The following AJAP1 variants were observed in gnomAD, a reference collection of about 807,000 sequenced individuals.
AJAP1 encodes adherens junction-associated protein 1.
A neutral mutation model predicts 35.0 loss-of-function variants in AJAP1; 5 were observed. The observed-to-expected ratio is 0.14, with a 90% CI of 0.07 to 0.30. The LOEUF is 0.30. AJAP1 is among the 10% of genes least tolerant of loss of function. AJAP1 has a pLI of 1.00. For synonymous variants in AJAP1, 284 were observed against 249.3 expected (o/e 1.14, Z -1.31); for missense variants, 586 against 571.0 (o/e 1.03, Z -0.27).
chr1:4,659,946 T>C (rs1638965382), intron 1 of AJAP1, among the ~76,000 whole-genome samples: 2 of 152,204 alleles, frequency 1.3e-5, no homozygotes, highest in South Asian at 4.1e-4. Flanking sequence ...TAGAAATTTC[T>C]GCATAAACCG....
chr1:4,697,922 A>AG (rs1227753119), intron 1 of AJAP1, among the ~76,000 whole-genome samples: 4 of 152,214 alleles, frequency 2.6e-5, no homozygotes, highest in African/African-American at 9.6e-5. Context: ...GGGACCGCTA[A>AG]GTCCGCGTTC....
intron 2 of AJAP1, among the ~76,000 whole-genome samples, chr1:4,748,484 A>G (rs1481381734): frequency 6.6e-6 from 1 of 151,938 alleles, no homozygotes; most frequent in Non-Finnish European, 1.5e-5. Flanking sequence ...GCGGTGTCTC[A>G]CGCCTGTAAT....
intron 1 of AJAP1, among the ~76,000 whole-genome samples, chr1:4,681,231 T>G (rs1639474275): frequency 6.6e-6 from 1 of 152,226 alleles, no homozygotes; most frequent in Non-Finnish European, 1.5e-5. Flanking sequence ...CCGCAGTGTT[T>G]GGTAAAGCCC....
intron 2 of AJAP1, among the ~76,000 whole-genome samples, chr1:4,741,211 C>A (rs893490734): frequency 2.0e-5 from 3 of 152,234 alleles, no homozygotes; most frequent in East Asian, 1.9e-4. Context: ...TGGAGGTCAT[C>A]CGAGTGTCCT....
rs544174805 is a variant in AJAP1 at position 4,711,928 on chromosome 1, C to G, written c.58C>G (p.Pro20Ala). Reference protein sequence around the residue: ...SSMSIRWPGRPLGSHAWILIA... With the variant: ...SSMSIRWPGRALGSHAWILIA... ...CATGTCCATCCGCTGGCCGGGCCGCCCCCTCGGAAGCCATGCCTGGATACT... is the reference window on the plus strand; with the variant it reads ...CATGTCCATCCGCTGGCCGGGCCGCGCCCTCGGAAGCCATGCCTGGATACT... The change falls in exon 2 of 6, where the codon CCC becomes GCC. Residue 20 changes from proline to alanine, a missense_variant. Pro to Ala is a conservative substitution (Grantham distance 27, BLOSUM62 -1). Coordinates refer to ENST00000378191, the MANE Select transcript of AJAP1 (RefSeq NM_018836.4). 223 of 1,528,464 alleles carry G rather than the reference C, an allele frequency of 1.5e-4. 1 individual carries two copies. In the South Asian group the frequency reaches 2.7e-3, roughly 18 times the overall value. The allele number at this position is 1,528,464 out of a possible 1,614,324, so 94.7% of individuals were successfully genotyped here.
At chr1:4,758,578 G>A (rs1641491537) in intron 2 of AJAP1, among the ~76,000 whole-genome samples, 2 of 152,104 alleles carry the variant, frequency 1.3e-5, no homozygotes, top group Non-Finnish European at 2.9e-5. Context: ...GAACAGCAAG[G>A]GGGAAACCAC....
rs536482585 is a variant in AJAP1, at chr1:4,761,088, C to T, written c.830-8765C>T. ...ACCCTAACTGAACCCCCAGGGTGCC[C>T]GAACCTTTGGAAAGCCTTTTAACTC... On this transcript the variant is annotated intron_variant, in intron 2 of 5. Coordinates refer to ENST00000378191, the MANE Select transcript of AJAP1 (RefSeq NM_018836.4). Among the ~76,000 whole-genome samples, 39 of 152,284 alleles carry T rather than the reference C, an allele frequency of 2.6e-4. No homozygotes were observed. In the East Asian group the frequency reaches 3.5e-3, roughly 14 times the overall value.
At chr1:4,781,024 A>G (rs1642051244) in intron 5 of AJAP1, among the ~76,000 whole-genome samples, 1 of 152,174 alleles carries the variant, frequency 6.6e-6, no homozygotes, top group African/African-American at 2.4e-5. Flanking sequence ...GTCCAGGGAA[A>G]GATCCAGCCC....
rs1423926981 is a variant in AJAP1 at position 4,787,686 on chromosome 1, C to T, written c.*5201C>T. ...GGCACTGGCTCTGCCCAGCCCCTCC[C>T]ATGTTGGTCCCATCTGTCAGGTTGC... is the stretch of plus-strand genomic sequence containing the variant. On this transcript the variant is annotated 3_prime_UTR_variant, in exon 6 of 6. Coordinates refer to ENST00000378191, the MANE Select transcript of AJAP1 (RefSeq NM_018836.4). 1 of 456,040 alleles carries T rather than the reference C, an allele frequency of 2.2e-6. No individual in the cohort carries two copies. The highest frequency in any genetic ancestry group is 7.0e-5 in the East Asian group (1 of 14,360). The allele number at this position is 456,040 out of a possible 1,614,324, so 28.2% of individuals were successfully genotyped here. A position where few individuals can be genotyped will look rare whatever the true frequency, so the allele number is the denominator to read the frequency against.
At position 4,734,411 on chromosome 1, in the gene AJAP1, C is replaced by A. The variant is rs1472315885; in HGVS notation, c.829+21712C>A. 6.6e-6 allele frequency among the ~76,000 whole-genome samples: 1 copy of A among 152,158 alleles called. No homozygotes were observed. The highest frequency in any genetic ancestry group is 1.5e-5 in the Non-Finnish European group (1 of 68,014). On this transcript the variant is annotated intron_variant, in intron 2 of 5. Transcript: ENST00000378191. This position sits in a 1 kb window ranked among gnomAD's most constrained non-coding sequence, Gnocchi z 4.3. ...GATCTTAAATCAGCAGAGGCAGAGG[C>A]CCCGAGAGGTTAAGTGACTTGCCTG... is the stretch of plus-strand genomic sequence containing the variant.
chr1:4,656,353 C>G lies in AJAP1; in HGVS notation c.29+899C>G, dbSNP rs141243911. On this transcript the variant is annotated intron_variant, in intron 1 of 5. Coordinates refer to ENST00000378191, the MANE Select transcript of AJAP1 (RefSeq NM_018836.4). The surrounding 1 kb of genome is among the most constrained non-coding windows in gnomAD (Gnocchi z 5.7). ...GGCAGGCTGCCTCTGAGCCCTCGCC[C>G]TCCTGCCGGGGCATTCACCGAGCTC... 2.6e-5 allele frequency among the ~76,000 whole-genome samples: 4 copies of G among 152,348 alleles called. No homozygotes were observed. Among genetic ancestry groups the G allele is most frequent in the Non-Finnish European group, 5.9e-5 (4 of 68,042 alleles).
chr1:4,778,454 G>C (rs1318712430), intron 5 of AJAP1, among the ~76,000 whole-genome samples: 5 of 152,184 alleles, frequency 3.3e-5, no homozygotes, highest in Non-Finnish European at 5.9e-5. Flanking sequence ...GACAACATGA[G>C]AGCCTCCTCC....
intron 1 of AJAP1, among the ~76,000 whole-genome samples, chr1:4,690,934 C>G (rs551698845): frequency 1.3e-5 from 2 of 152,178 alleles, no homozygotes; most frequent in Non-Finnish European, 1.5e-5. Context: ...GACTCCTATC[C>G]CCTGTGCTGG....
At chr1:4,674,328 CCTGA>C (rs1234915522) in intron 1 of AJAP1, among the ~76,000 whole-genome samples, 2 of 152,166 alleles carry the variant, frequency 1.3e-5, no homozygotes, top group Non-Finnish European at 2.9e-5. Flanking sequence ...CCCACGGCTG[CCTGA>C]CTTTGTAAAC....
At chr1:4,757,490 C>T (rs1383417936) in intron 2 of AJAP1, among the ~76,000 whole-genome samples, 1 of 152,216 alleles carries the variant, frequency 6.6e-6, no homozygotes, top group African/African-American at 2.4e-5. Context: ...GCTCCCAACA[C>T]TGGCCCAGCC....
intron 4 of AJAP1, among the ~76,000 whole-genome samples, chr1:4,772,929 T>TAA (rs956841212): frequency 1.3e-5 from 2 of 152,126 alleles, no homozygotes; most frequent in African/African-American, 4.8e-5. Context: ...GCCCTGTCAA[T>TAA]AAAATGTCAG....
intron 1 of AJAP1, among the ~76,000 whole-genome samples, chr1:4,676,358 A>G (rs1025725165): frequency 4.6e-5 from 7 of 152,220 alleles, no homozygotes; most frequent in Non-Finnish European, 1.0e-4. Flanking sequence ...TTGGCAAAGA[A>G]ATCCAGAAGA....
chr1:4,694,614 A>G (rs138633610), intron 1 of AJAP1, among the ~76,000 whole-genome samples: 1 of 152,360 alleles, frequency 6.6e-6, no homozygotes, highest in African/African-American at 2.4e-5. Context: ...ACTGACAAGG[A>G]GATGAGCTCG....
chr1:4,666,211 G>A (rs868172073), intron 1 of AJAP1, among the ~76,000 whole-genome samples: 1 of 152,024 alleles, frequency 6.6e-6, no homozygotes. Flanking sequence ...ACCCAGGAGG[G>A]GCACCCCGCA....
Sources: allele counts gnomAD v4.1 joint callset (sites outside exome capture counted in the v4.1 genomes callset), GRCh38; gene constraint gnomAD v4.1.1; non-coding constraint Gnocchi (gnomAD v3.1); transcripts MANE v1.5; gene names NCBI Gene and HGNC (gene_info 2026-07-23, HGNC 2026-07-21).